The following CANX variants were observed in gnomAD, a reference collection of about 807,000 sequenced individuals.
CANX encodes the protein calnexin, also known as epididymis secretory sperm binding protein.
In CANX, 14 loss-of-function variants were observed where a neutral mutation model predicts 75.7. The observed-to-expected ratio is 0.19, with a 90% CI of 0.12 to 0.29. CANX has a LOEUF of 0.29. CANX is among the 10% of genes least tolerant of loss of function. CANX has a pLI of 1.00. For missense variants in CANX, 567 were observed against 713.2 expected (o/e 0.79, Z 2.34); for synonymous variants, 227 against 236.9 (o/e 0.96, Z 0.38).
At chr5:179,709,829 CTT>C in intron 6 of CANX, 42 bp from the exon 7 acceptor site, 5 of 1,352,730 alleles carry the variant, frequency 3.7e-6, no homozygotes, top group Non-Finnish European at 5.0e-6. Context: ...CTTTTGAACA[CTT>C]TGAGTACAGT....
At chr5:179,689,371 C>T (rs951147974) in intron 1 of CANX, among the ~76,000 whole-genome samples, 1 of 142,896 alleles carries the variant, frequency 7.0e-6, no homozygotes, top group Non-Finnish European at 1.5e-5. Context: ...AGCTACAAAA[C>T]CCAACAAGTT....
chr5:179,689,379 GTTT>G lies in CANX; in HGVS notation c.-4+10625_-4+10627del, dbSNP rs958473912. ...AAGAGAAAGCTACAAAACCCAACAA[GTTT>G]TTTTTTTTTTTTTTTTTTTTTTGAG... On this transcript the variant is annotated intron_variant, in intron 1 of 14. Coordinates refer to the CANX transcript ENST00000681674. 8.4e-5 allele frequency among the ~76,000 whole-genome samples: 7 copies of G among 83,670 alleles called. No individual in the cohort carries two copies. The East Asian group carries it at 2.1e-3, about 25-fold the overall frequency. 54.9% of individuals were successfully genotyped at this position (83,670 alleles called of 152,430 possible).
intron 3 of CANX, 143 bp downstream of exon 3, chr5:179,706,474 C>T (rs1777144998): frequency 1.6e-5 from 8 of 514,014 alleles, no homozygotes; most frequent in South Asian, 1.5e-4. Context: ...GACAGAATTT[C>T]GCTCTTTTGC....
intron 1 of CANX, among the ~76,000 whole-genome samples, chr5:179,704,999 AT>A (rs1036138043): frequency 8.1e-5 from 12 of 148,462 alleles, no homozygotes; most frequent in East Asian, 2.0e-4. Context: ...TTCTGTGTTA[AT>A]TTTTTTTTTT....
intron 13 of CANX, among the ~76,000 whole-genome samples, chr5:179,725,483 C>T (rs1778591769): frequency 6.6e-6 from 1 of 151,178 alleles, no homozygotes; most frequent in Non-Finnish European, 1.5e-5. Context: ...AGGTCGAGAC[C>T]ATCCTGGCTA....
intron 1 of CANX, among the ~76,000 whole-genome samples, chr5:179,685,883 G>T (rs1311638045): frequency 6.6e-6 from 1 of 151,678 alleles, no homozygotes; most frequent in East Asian, 1.9e-4. Context: ...TAGAGACAGG[G>T]TTTCACCATG....
At chr5:179,694,963 T>G (rs1030526448), upstream of CANX, among the ~76,000 whole-genome samples, 6 of 152,176 alleles carry the variant, frequency 3.9e-5, no homozygotes, top group African/African-American at 1.4e-4. Flanking sequence ...ACAATTTTGT[T>G]TACTCTTTTA....
chr5:179,730,312 T>G lies in CANX; in HGVS notation c.*1668T>G, dbSNP rs1778921171. On this transcript the variant is annotated 3_prime_UTR_variant, in exon 15 of 15. Transcript: ENST00000247461. ...TTTTAAAGTTTGTTCACTTAAATTC[T>G]TTTGAGGATGGGATGTATTTTTCTT... is the stretch of plus-strand genomic sequence containing the variant. 6.6e-6 allele frequency: 1 copy of G among 152,534 alleles called. No individual in the cohort carries two copies. Among genetic ancestry groups the G allele is most frequent in the East Asian group, 1.9e-4 (1 of 5,192 alleles). The allele number at this position is 152,534 out of a possible 1,614,324, so 9.4% of individuals were successfully genotyped here.
intron 7 of CANX, among the ~76,000 whole-genome samples, chr5:179,715,191 G>T (rs1777852347): frequency 6.6e-6 from 1 of 152,178 alleles, no homozygotes; most frequent in South Asian, 2.1e-4. Context: ...TAGATATCTA[G>T]GTGTGGAATC....
chr5:179,715,885 G>T, intron 7 of CANX: 11 of 580,348 alleles, frequency 1.9e-5, no homozygotes, highest in East Asian at 7.1e-5. Flanking sequence ...ACTATCATTT[G>T]CTGTAATTCT....
chr5:179,678,941 C>T, intron 1 of CANX: 2 of 1,535,264 alleles, frequency 1.3e-6, no homozygotes, highest in Non-Finnish European at 1.7e-6. Flanking sequence ...GAGGCGCATG[C>T]ACGGCGCGCC....
Position 179,714,996 on chromosome 5 carries a change from C to T in CANX, c.722-1109C>T, listed in dbSNP as rs551097997. Among the ~76,000 whole-genome samples the T allele has an allele frequency of 6.3e-3, 959 of 151,896 alleles. 10 individuals carry two copies. Among genetic ancestry groups the T allele is most frequent in the African/African-American group, 0.021 (890 of 41,422 alleles). On this transcript the variant is annotated intron_variant, in intron 7 of 14. Transcript: ENST00000247461. Reference sequence around the variant, plus strand: ...GCCAGGCTGGTCTCGAACTCCTGGCCTCAAGTGATCCACCTGCGTTAGCCT... The same window carrying T: ...GCCAGGCTGGTCTCGAACTCCTGGCTTCAAGTGATCCACCTGCGTTAGCCT...
rs191548474 is a variant in CANX, at chr5:179,703,018, C to G, written c.-3-2661C>G. Among the ~76,000 whole-genome samples the G allele has an allele frequency of 1.3e-3, 201 of 152,318 alleles. 1 individual carries two copies. Among genetic ancestry groups the G allele is most frequent in the Admixed American group, 5.3e-3 (81 of 15,288 alleles). Reference sequence around the variant, plus strand: ...TCCCGAACTCAGGTGATCCACCTGCCTCGGCCTCCCAAAGTGCTGTGATTA... The same window carrying G: ...TCCCGAACTCAGGTGATCCACCTGCGTCGGCCTCCCAAAGTGCTGTGATTA... On this transcript the variant is annotated intron_variant, in intron 1 of 14. Coordinates refer to ENST00000247461, the MANE Select transcript of CANX (RefSeq NM_001746.4).
intron 1 of CANX, among the ~76,000 whole-genome samples, chr5:179,685,474 C>T (rs1435181089): frequency 6.6e-6 from 1 of 151,124 alleles, no homozygotes; most frequent in Non-Finnish European, 1.5e-5. Context: ...TCTTGAACTC[C>T]TGACCTCAGG....
At chr5:179,728,465 TCTC>T in intron 14 of CANX, 123 bp from the exon 15 acceptor site, 1 of 634,386 alleles carries the variant, frequency 1.6e-6, no homozygotes, top group South Asian at 1.9e-5. Flanking sequence ...TGCATTTTCT[TCTC>T]ATCATTTTCC....
Position 179,731,234 on chromosome 5 carries a change from AG to A in CANX, c.*2594del, listed in dbSNP as rs1778973885. ...TTGTAGATAATATTCTTTAAGACTT[AG>A]GGGAACCATTGAACTTTGAAATTTT... is the stretch of plus-strand genomic sequence containing the variant. On this transcript the variant is annotated 3_prime_UTR_variant, in exon 15 of 15. Coordinates refer to ENST00000247461, the MANE Select transcript of CANX (RefSeq NM_001746.4). Among the ~76,000 whole-genome samples the A allele has an allele frequency of 6.6e-6, 1 of 152,214 alleles. No homozygotes were observed. The highest frequency in any genetic ancestry group is 2.4e-5 in the African/African-American group (1 of 41,468).
At chr5:179,698,662 G>A (rs1453954959), upstream of CANX, 1 of 1,164,618 alleles carries the variant, frequency 8.6e-7, no homozygotes, top group South Asian at 1.3e-5. Flanking sequence ...AACCGACGCG[G>A]GAACGCCTGT....
At chr5:179,690,609 A>G (rs1776284192) in intron 1 of CANX, among the ~76,000 whole-genome samples, 2 of 130,832 alleles carry the variant, frequency 1.5e-5, no homozygotes, top group Admixed American at 8.1e-5. Context: ...ATCTGAAAAA[A>G]GGCTGGGCCC....
In CANX at chr5:179,728,902, C is replaced by A; in HGVS notation, c.*258C>A. 6 of 495,570 alleles carry A rather than the reference C, an allele frequency of 1.2e-5. No individual in the cohort carries two copies. Among genetic ancestry groups the A allele is most frequent in the Admixed American group, 1.1e-4 (3 of 28,428 alleles). The allele number at this position is 495,570 out of a possible 1,614,324, so 30.7% of individuals were successfully genotyped here. On this transcript the variant is annotated 3_prime_UTR_variant, in exon 15 of 15. Transcript: ENST00000247461. ...GTTGTGAAATGTAACATGAAGCAAA[C>A]TAACTTTTTTTTTTTTAACATCTTT...
Sources: gnomAD v4.1 joint callset for allele counts (sites outside exome capture counted in the v4.1 genomes callset) on GRCh38, gnomAD v4.1.1 for gene constraint, MANE v1.5 for transcripts, NCBI Gene and HGNC (gene_info 2026-07-23, HGNC 2026-07-21) for gene names.